WIF1: variants seen among roughly 807,000 people sequenced by gnomAD.
The protein encoded by WIF1 is Wnt inhibitory factor 1.
In WIF1, 35 loss-of-function variants were observed where a neutral mutation model predicts 53.5. The observed-to-expected ratio is 0.65, with a 90% confidence interval of 0.50 to 0.87. The LOEUF is 0.87. WIF1 is among the 40% of genes least tolerant of loss of function. The pLI is 0.00. For missense variants in WIF1, 467 were observed against 476.8 expected (o/e 0.98, Z 0.19); for synonymous variants, 171 against 170.4 (o/e 1.00, Z -0.03).
intron 2 of WIF1, among the ~76,000 whole-genome samples, chr12:65,109,732 C>T (rs1450095203): frequency 6.6e-6 from 1 of 152,162 alleles, no homozygotes; most frequent in African/African-American, 2.4e-5. Context: ...GTGTTCTTAC[C>T]TATGTGATCT....
intron 2 of WIF1, among the ~76,000 whole-genome samples, chr12:65,100,815 G>A (rs1883271389): frequency 6.6e-6 from 1 of 152,030 alleles, no homozygotes; most frequent in Non-Finnish European, 1.5e-5. Context: ...GAGCCCAGGA[G>A]TTCAAGACTA....
chr12:65,072,599 C>T (rs1443758624), intron 3 of WIF1, among the ~76,000 whole-genome samples: 1 of 152,098 alleles, frequency 6.6e-6, no homozygotes, highest in African/African-American at 2.4e-5. Context: ...CACACACTTG[C>T]ACTTCCACAC....
chr12:65,062,070 A>C (rs1206262427), intron 7 of WIF1, among the ~76,000 whole-genome samples: 1 of 152,148 alleles, frequency 6.6e-6, no homozygotes, highest in Non-Finnish European at 1.5e-5. Context: ...GGCTCAGTCT[A>C]GGATATCTGG....
chr12:65,070,184 T>C (rs978143739), intron 3 of WIF1, among the ~76,000 whole-genome samples: 3 of 152,200 alleles, frequency 2.0e-5, no homozygotes, highest in Non-Finnish European at 4.4e-5. Flanking sequence ...CCAAAACTCC[T>C]CTTACAGCTC....
intron 6 of WIF1, among the ~76,000 whole-genome samples, chr12:65,065,818 TAAAC>T (rs138310503): frequency 0.061 from 9,306 of 152,126 alleles, 749 homozygotes; most frequent in African/African-American, 0.19. Context: ...CTGGGCAAAA[TAAAC>T]AAGTCTCTTG....
chr12:65,072,542 G>A (rs1403047949), intron 3 of WIF1, among the ~76,000 whole-genome samples: 1 of 152,136 alleles, frequency 6.6e-6, no homozygotes, highest in Non-Finnish European at 1.5e-5. Context: ...ACCAACAGAT[G>A]TGATATATGT....
intron 2 of WIF1, among the ~76,000 whole-genome samples, chr12:65,106,746 T>C (rs1462779736): frequency 1.3e-5 from 2 of 152,246 alleles, no homozygotes; most frequent in Non-Finnish European, 2.9e-5. Context: ...TGGAGAAAGA[T>C]TGAGCTCACT....
At chr12:65,072,882 G>A (rs897385065) in intron 3 of WIF1, among the ~76,000 whole-genome samples, 3 of 152,160 alleles carry the variant, frequency 2.0e-5, no homozygotes, top group Non-Finnish European at 4.4e-5. Context: ...TGCAGAATAG[G>A]ATGTATAATC....
intron 2 of WIF1, among the ~76,000 whole-genome samples, chr12:65,083,256 A>G (rs1028828678): frequency 1.3e-5 from 2 of 152,190 alleles, no homozygotes; most frequent in African/African-American, 2.4e-5. Flanking sequence ...GCCAGAAAAA[A>G]TCTAAAATAA....
At chr12:65,097,397 T>C (rs1883221900) in intron 2 of WIF1, among the ~76,000 whole-genome samples, 1 of 152,114 alleles carries the variant, frequency 6.6e-6, no homozygotes, top group African/African-American at 2.4e-5. Flanking sequence ...AGTTATAAAA[T>C]GAGAAATCTA....
At chr12:65,102,859 A>C (rs953113413) in intron 2 of WIF1, among the ~76,000 whole-genome samples, 7 of 152,208 alleles carry the variant, frequency 4.6e-5, no homozygotes, top group African/African-American at 1.7e-4. Context: ...TTGGGTGGAC[A>C]ACTATCTATA....
intron 6 of WIF1, 77 bp downstream of exon 6, chr12:65,066,564 A>C (rs919712997): frequency 1.7e-6 from 2 of 1,192,056 alleles, no homozygotes; most frequent in African/African-American, 3.2e-5. Flanking sequence ...ATGAAGAGTG[A>C]GGACATATAA....
chr12:65,086,350 T>C (rs551076037), intron 2 of WIF1, among the ~76,000 whole-genome samples: 1 of 152,066 alleles, frequency 6.6e-6, no homozygotes, highest in South Asian at 2.1e-4. Flanking sequence ...ACTCAAGCAG[T>C]AGCAAAGTCC....
chr12:65,101,915 G>A (rs745441216), intron 2 of WIF1, among the ~76,000 whole-genome samples: 8 of 152,114 alleles, frequency 5.3e-5, no homozygotes, highest in African/African-American at 1.2e-4. Context: ...GGGATCAGGA[G>A]GACCAGCTTT....
chr12:65,077,993 G>A, intron 2 of WIF1, 139 bp from the exon 3 acceptor site: 2 of 657,470 alleles, frequency 3.0e-6, no homozygotes, highest in South Asian at 3.7e-5. Flanking sequence ...AAGATACTGG[G>A]TAGGCACAAC....
intron 3 of WIF1, 68 bp downstream of exon 3, chr12:65,077,678 G>T (rs1271571082): frequency 3.5e-6 from 4 of 1,155,880 alleles, no homozygotes; most frequent in East Asian, 2.4e-5. Flanking sequence ...TAGGACATTT[G>T]CATCTTAAAT....
At chr12:65,092,474 G>GTGTGTGTATATATA (rs559255080) in intron 2 of WIF1, among the ~76,000 whole-genome samples, 17 of 124,680 alleles carry the variant, frequency 1.4e-4, no homozygotes, top group African/African-American at 4.2e-4. Flanking sequence ...GTATATGTGT[G>GTGTGTGTATATATA]TGTGTGTATA....
chr12:65,120,669 A>G lies in WIF1; in HGVS notation c.149-113T>C, dbSNP rs867411566. 17 of 1,263,454 alleles carry G rather than the reference A, an allele frequency of 1.3e-5. No individual in the cohort carries two copies. In the Middle Eastern group the frequency reaches 1.6e-3, roughly 115 times the overall value. The allele number at this position is 1,263,454 out of a possible 1,614,324, so 78.3% of individuals were successfully genotyped here. A position where few individuals can be genotyped will look rare whatever the true frequency, so the allele number is the denominator to read the frequency against. On this transcript the variant is annotated intron_variant, in intron 1 of 9. Transcript: ENST00000286574. The stretch of plus-strand genomic sequence containing the variant: ...TTAGTGTGGGTCATTTCTGTTCACA[A>G]GCATCTGCCTTCAGTACCATCAACG...
chr12:65,067,776 C>G lies in WIF1; in HGVS notation c.553G>C (p.Gly185Arg), dbSNP rs753641125. 2 of 1,613,148 alleles carry G rather than the reference C, an allele frequency of 1.2e-6. No homozygotes were observed. Among genetic ancestry groups the G allele is most frequent in the Non-Finnish European group, 1.7e-6 (2 of 1,179,374 alleles). ...TTACAAAAGCCTCCATTTCGGCACC[C>G]GCCTGGGCACTCAGCTTCAGCAGAG... ...KTCQQAECPG[G>R]CRNGGFCNER... is the part of the protein sequence containing the mutation. The change falls in exon 5 of 10, where the codon GGG becomes CGG. Residue 185 changes from glycine (G) to arginine (R), a missense_variant. By Grantham distance (125) the Gly-to-Arg change is moderately radical. Transcript: ENST00000286574.
Sources: gnomAD v4.1 joint callset for allele counts (sites outside exome capture counted in the v4.1 genomes callset) on GRCh38, gnomAD v4.1.1 for gene constraint, MANE v1.5 for transcripts, NCBI Gene and HGNC (gene_info 2026-07-23, HGNC 2026-07-21) for gene names.